JPH3: variants seen among roughly 807,000 people sequenced by gnomAD.
JPH3 encodes junctophilin 3, also known as junctophilin-3.
A neutral mutation model predicts 59.6 loss-of-function variants in JPH3; 11 were observed. The observed-to-expected ratio is 0.18, with a 90% CI of 0.12 to 0.31. The LOEUF is 0.31. Among genes scored for constraint, JPH3 ranks in the 10% least tolerant of loss-of-function variants. JPH3 has a pLI of 1.00. For missense variants in JPH3, 1,202 were observed against 1,105.7 expected (o/e 1.09, Z -1.24); for synonymous variants, 673 against 483.6 (o/e 1.39, Z -5.14).
intron 2 of JPH3, among the ~76,000 whole-genome samples, chr16:87,665,859 G>A (rs987954740): frequency 6.6e-6 from 1 of 152,172 alleles, no homozygotes; most frequent in African/African-American, 2.4e-5. Context: ...TGGAACACTG[G>A]TCCCTGGGAC....
intron 2 of JPH3, among the ~76,000 whole-genome samples, chr16:87,664,886 G>C (rs1369772135): frequency 6.6e-6 from 1 of 152,162 alleles, no homozygotes; most frequent in Non-Finnish European, 1.5e-5. Flanking sequence ...GCGTCATGAG[G>C]ACCCAGGTCA....
intron 1 of JPH3, among the ~76,000 whole-genome samples, chr16:87,639,372 C>A (rs768100923): frequency 1.3e-5 from 2 of 152,196 alleles, no homozygotes; most frequent in African/African-American, 2.4e-5. Context: ...CATGGCTCCA[C>A]CAGACCCTGC....
intron 2 of JPH3, among the ~76,000 whole-genome samples, chr16:87,663,806 C>A (rs2032777596): frequency 6.6e-6 from 1 of 152,162 alleles, no homozygotes; most frequent in Non-Finnish European, 1.5e-5. Flanking sequence ...GTCTCTGAAC[C>A]CCTTGACATG....
chr16:87,636,814 G>A (rs1009132888), intron 1 of JPH3, among the ~76,000 whole-genome samples: 1 of 152,248 alleles, frequency 6.6e-6, no homozygotes, highest in Non-Finnish European at 1.5e-5. Flanking sequence ...CAGTTCATGC[G>A]TCGCTTAAAC....
At chr16:87,636,117 C>T (rs2031736621) in intron 1 of JPH3, among the ~76,000 whole-genome samples, 1 of 152,222 alleles carries the variant, frequency 6.6e-6, no homozygotes, top group African/African-American at 2.4e-5. Context: ...ACACAAGCCG[C>T]CTGTTCTGCA....
chr16:87,673,661 C>A (rs1327956741), intron 2 of JPH3, among the ~76,000 whole-genome samples: 1 of 152,196 alleles, frequency 6.6e-6, no homozygotes, highest in Non-Finnish European at 1.5e-5. Context: ...CACGGTGGCT[C>A]ACACCTGTAA....
chr16:87,690,389 A>G lies in JPH3; in HGVS notation c.2029A>G (p.Lys677Glu). The change falls in exon 4 of 5, where the codon AAA (lysine) becomes GAA (glutamate). Residue 677 changes from lysine (K) to glutamate (E), a missense_variant. Physicochemically the swap from Lys to Glu is moderately conservative, Grantham distance 56. Transcript: ENST00000284262. ...PASSAEPAVQ[K>E]LASLRLGGAE... ...CTCCTCCGCGGAGCCCGCCGTGCAG[A>G]AACTGGCGAGCCTGCGGCTGGGCGG... is the stretch of plus-strand genomic sequence containing the variant. The G allele has an allele frequency of 6.6e-7, 1 of 1,524,864 alleles. No homozygotes were observed. The highest frequency in any genetic ancestry group is 8.8e-7 in the Non-Finnish European group (1 of 1,138,730). 94.5% of individuals were successfully genotyped at this position (1,524,864 alleles called of 1,614,324 possible). A position where few individuals can be genotyped will look rare whatever the true frequency, so the allele number is the denominator to read the frequency against.
At chr16:87,629,809 T>A (rs2150834558) in intron 1 of JPH3, among the ~76,000 whole-genome samples, 1 of 152,248 alleles carries the variant, frequency 6.6e-6, no homozygotes, top group Admixed American at 6.5e-5. Flanking sequence ...GCGTGGACCC[T>A]GATGAAAACC....
chr16:87,696,537 C>T (rs772759903), intron 4 of JPH3, 43 bp from the exon 5 acceptor site: 22 of 1,546,022 alleles, frequency 1.4e-5, no homozygotes, highest in Middle Eastern at 1.8e-4. Context: ...CAGGCAGAGC[C>T]CCCCGCAGCT....
intron 1 of JPH3, among the ~76,000 whole-genome samples, chr16:87,616,322 C>G (rs1253907844): frequency 6.6e-6 from 1 of 151,162 alleles, no homozygotes; most frequent in Non-Finnish European, 1.5e-5. Context: ...CAGGCTCCAC[C>G]TCCTGGGTTC....
At chr16:87,678,196 G>C (rs1368875494) in intron 2 of JPH3, among the ~76,000 whole-genome samples, 1 of 152,096 alleles carries the variant, frequency 6.6e-6, no homozygotes, top group African/African-American at 2.4e-5. Flanking sequence ...AGCAGTGATT[G>C]TGCCACTGCA....
chr16:87,630,255 T>C (rs1019514233), intron 1 of JPH3, among the ~76,000 whole-genome samples: 5 of 152,192 alleles, frequency 3.3e-5, no homozygotes, highest in Non-Finnish European at 7.3e-5. Context: ...CCAGCTGCTG[T>C]TCTTGGCACC....
chr16:87,687,895 A>G (rs1489843454), intron 3 of JPH3, among the ~76,000 whole-genome samples: 2 of 152,210 alleles, frequency 1.3e-5, no homozygotes, highest in African/African-American at 4.8e-5. Flanking sequence ...CATAGCGTCT[A>G]AGGCACAGGA....
At chr16:87,626,759 C>G (rs926983327) in intron 1 of JPH3, among the ~76,000 whole-genome samples, 26 of 152,204 alleles carry the variant, frequency 1.7e-4, no homozygotes, top group African/African-American at 6.3e-4. Context: ...GGAGCGGGTG[C>G]TGGCTGGGAC....
intron 2 of JPH3, among the ~76,000 whole-genome samples, chr16:87,681,990 C>CG (rs1158195988): frequency 3.3e-5 from 5 of 152,058 alleles, no homozygotes; most frequent in African/African-American, 4.8e-5. Context: ...CTGCTTGTGG[C>CG]GGGGGGTCAT....
chr16:87,612,182 T>G (rs2030754236), intron 1 of JPH3, among the ~76,000 whole-genome samples: 1 of 152,168 alleles, frequency 6.6e-6, no homozygotes. Context: ...CGTGCAATAG[T>G]GTGTGATCGT....
At position 87,690,122 on chromosome 16, in the gene JPH3, C is replaced by G; in HGVS notation, c.1762C>G (p.His588Asp). The change falls in exon 4 of 5, where the codon CAC becomes GAC. Residue 588 changes from histidine to aspartate, a missense_variant. Transcript: ENST00000284262. ...SPPVFTWTSH[H>D]RASNHSPGGS... is the part of the protein sequence containing the mutation. ...CCCCGTGTTCACGTGGACTTCCCACCACCGGGCCAGCAACCACAGCCCCGG... is the reference window on the plus strand; with the variant it reads ...CCCCGTGTTCACGTGGACTTCCCACGACCGGGCCAGCAACCACAGCCCCGG... 1 of 1,586,230 alleles carries G rather than the reference C, an allele frequency of 6.3e-7. No individual in the cohort carries two copies. Among genetic ancestry groups the G allele is most frequent in the Non-Finnish European group, 8.6e-7 (1 of 1,166,464 alleles).
At chr16:87,615,082 G>A (rs950046703) in intron 1 of JPH3, among the ~76,000 whole-genome samples, 4 of 152,046 alleles carry the variant, frequency 2.6e-5, no homozygotes, top group Admixed American at 6.5e-5. Context: ...GGAGCTGTGC[G>A]TCCCTTCCCA....
chr16:87,676,460 G>T (rs1345902857), intron 2 of JPH3, among the ~76,000 whole-genome samples: 1 of 152,174 alleles, frequency 6.6e-6, no homozygotes, highest in Non-Finnish European at 1.5e-5. Context: ...TTTAGCCGGG[G>T]TGCAGTGGTT....
Sources: allele counts gnomAD v4.1 joint callset (sites outside exome capture counted in the v4.1 genomes callset), GRCh38; gene constraint gnomAD v4.1.1; transcripts MANE v1.5; gene names NCBI Gene and HGNC (gene_info 2026-07-23, HGNC 2026-07-21).